Variants in FAM83B observed in about 807,000 individuals in gnomAD.
FAM83B encodes scaffolding CK1 anchoring protein B.
A neutral mutation model predicts 38.8 loss-of-function variants in FAM83B; 26 were observed. That is an observed-to-expected ratio of 0.67 (90% CI 0.49 to 0.93). The LOEUF (loss-of-function observed/expected upper bound fraction) is 0.93, where lower values mean the gene tolerates loss of function less well. FAM83B is among the 40% of genes least tolerant of loss of function. The probability of loss-of-function intolerance (pLI) is 0.00; values close to 1 mark genes in which losing one functional copy is unlikely to be tolerated. For missense variants in FAM83B, 1,237 were observed against 1,197.3 expected (o/e 1.03, Z -0.49); for synonymous variants, 419 against 423.1 (o/e 0.99, Z 0.12).
At chr6:54,860,140 G>T (rs999459576) in intron 1 of FAM83B, among the ~76,000 whole-genome samples, 2 of 152,006 alleles carry the variant, frequency 1.3e-5, no homozygotes, top group Non-Finnish European at 2.9e-5. Context: ...TAGCCTGCTT[G>T]TTAGCTACAT....
Position 54,927,659 on chromosome 6 carries a change from G to A in FAM83B, c.734+27G>A, listed in dbSNP as rs749130174. 5 of 1,287,944 alleles carry A rather than the reference G, an allele frequency of 3.9e-6. No individual in the cohort carries two copies. The Middle Eastern group carries it at 1.1e-3, about 286-fold the overall frequency. 79.8% of individuals were successfully genotyped at this position (1,287,944 alleles called of 1,614,324 possible). A position where few individuals can be genotyped will look rare whatever the true frequency, so the allele number is the denominator to read the frequency against. ...TAAGATCATTGTGTTTAACTTCAGT[G>A]TTATCAATCGTTTTGATGATTTATT... On this transcript the variant is annotated intron_variant, in intron 4 of 4. Transcript: ENST00000306858.
Position 54,875,315 on chromosome 6 carries a change from T to G in FAM83B, c.444+4625T>G, listed in dbSNP as rs1771964564. 2.6e-5 allele frequency among the ~76,000 whole-genome samples: 4 copies of G among 152,320 alleles called. No individual in the cohort carries two copies. In the South Asian group the frequency reaches 8.3e-4, roughly 32 times the overall value. ...TCCGCATCCCTTTGCAACCATGTCC[T>G]GCCCAGCTAAGTGTTATTTATATGT... On this transcript the variant is annotated intron_variant, in intron 2 of 4. Transcript: ENST00000306858.
chr6:54,916,786 CTT>C (rs887399756), intron 2 of FAM83B, among the ~76,000 whole-genome samples: 3 of 152,160 alleles, frequency 2.0e-5, no homozygotes, highest in African/African-American at 7.2e-5. Context: ...GTATTTGTCT[CTT>C]TGACTCTATT....
At chr6:54,873,112 C>T (rs1771899893) in intron 2 of FAM83B, among the ~76,000 whole-genome samples, 1 of 151,882 alleles carries the variant, frequency 6.6e-6, no homozygotes, top group East Asian at 1.9e-4. Context: ...ATCCTCCTGC[C>T]TCAGGCTCCC....
At chr6:54,902,830 G>A (rs915134888) in intron 2 of FAM83B, among the ~76,000 whole-genome samples, 3 of 152,124 alleles carry the variant, frequency 2.0e-5, no homozygotes, top group Non-Finnish European at 4.4e-5. Context: ...CTCTCTCTCT[G>A]TGTACAAGAA....
chr6:54,927,479 G>A, intron 3 of FAM83B, 29 bp from the exon 4 acceptor site: 1 of 1,510,982 alleles, frequency 6.6e-7, no homozygotes, highest in Non-Finnish European at 8.9e-7. Flanking sequence ...TAGCCATAAT[G>A]TCTGCTTTTT....
At chr6:54,938,555 C>G (rs973478256) in intron 4 of FAM83B, among the ~76,000 whole-genome samples, 1 of 152,080 alleles carries the variant, frequency 6.6e-6, no homozygotes, top group African/African-American at 2.4e-5. Flanking sequence ...TTAATTATGG[C>G]CATACTTGCT....
chr6:54,867,911 G>A (rs1257348878), intron 1 of FAM83B, among the ~76,000 whole-genome samples: 4 of 152,038 alleles, frequency 2.6e-5, no homozygotes, highest in Non-Finnish European at 4.4e-5. Context: ...TGAACAACTA[G>A]TAGTTACCTA....
At chr6:54,915,068 T>G (rs1057206386) in intron 2 of FAM83B, among the ~76,000 whole-genome samples, 2 of 152,128 alleles carry the variant, frequency 1.3e-5, no homozygotes, top group Non-Finnish European at 2.9e-5. Context: ...TTTATTCTTT[T>G]GATGTTCACC....
At position 54,941,850 on chromosome 6, in the gene FAM83B, GC is replaced by G; in HGVS notation, c.2882del (p.Pro961GlnfsTer3). The G allele has an allele frequency of 6.2e-7, 1 of 1,613,962 alleles. No individual in the cohort carries two copies. Among genetic ancestry groups the G allele is most frequent in the Non-Finnish European group, 8.5e-7 (1 of 1,179,984 alleles). On this transcript the variant is annotated frameshift_variant, in exon 5 of 5. Coordinates refer to ENST00000306858, the MANE Select transcript of FAM83B (RefSeq NM_001010872.3). LOFTEE classifies it high-confidence loss of function. ...AACATGCCAAATACCAGTATAAATCGCCCAGAAATAAAATCTGCGACTATGG... is the reference window on the plus strand; with the variant it reads ...AACATGCCAAATACCAGTATAAATCGCCAGAAATAAAATCTGCGACTATGG... ...TSNMPNTSINRPEIKSATMGN... is the reference protein window; with the variant it reads ...TSNMPNTSINXPEIKSATMGN...
At position 54,870,415 on chromosome 6, in the gene FAM83B, G is replaced by T. The variant is rs1454559392; in HGVS notation, c.169G>T (p.Ala57Ser). 1 of 1,614,032 alleles carries T rather than the reference G, an allele frequency of 6.2e-7. No homozygotes were observed. Among genetic ancestry groups the T allele is most frequent in the Admixed American group, 1.7e-5 (1 of 59,990 alleles). ...CCAGGAACGAGTTTCAGACTTTCTT[G>T]CTGAGGAAGAAATTAATTATATTTT... Reference protein sequence around the residue: ...LVQERVSDFLAEEEINYILKN... With the variant: ...LVQERVSDFLSEEEINYILKN... The change falls in exon 2 of 5, where the codon GCT (alanine) becomes TCT (serine). Residue 57 changes from alanine (A) to serine (S), a missense_variant. By Grantham distance (99) the Ala-to-Ser change is moderately conservative (BLOSUM62 1). Coordinates refer to ENST00000306858, the MANE Select transcript of FAM83B (RefSeq NM_001010872.3).
At chr6:54,857,906 T>A (rs1350698433) in intron 1 of FAM83B, among the ~76,000 whole-genome samples, 10 of 152,044 alleles carry the variant, frequency 6.6e-5, no homozygotes, top group Admixed American at 6.6e-5. Context: ...AAAAGGAGCA[T>A]TCCAGGTGGA....
At chr6:54,858,131 G>A (rs1426446466) in intron 1 of FAM83B, among the ~76,000 whole-genome samples, 5 of 152,152 alleles carry the variant, frequency 3.3e-5, no homozygotes, top group South Asian at 2.1e-4. Flanking sequence ...AGAGAAGAGC[G>A]AAGAGAGATG....
chr6:54,933,567 T>A (rs1773468498), intron 4 of FAM83B, among the ~76,000 whole-genome samples: 1 of 152,094 alleles, frequency 6.6e-6, no homozygotes, highest in Admixed American at 6.6e-5. Flanking sequence ...GCCTTGTAAT[T>A]TTTTGCTAGT....
chr6:54,911,052 TTTTTC>T (rs1772897273), intron 2 of FAM83B, among the ~76,000 whole-genome samples: 1 of 152,112 alleles, frequency 6.6e-6, no homozygotes, highest in Non-Finnish European at 1.5e-5. Flanking sequence ...ATTATAGCTA[TTTTTC>T]TTTTCTTAGT....
At chr6:54,931,566 G>A (rs538588871) in intron 4 of FAM83B, among the ~76,000 whole-genome samples, 1 of 151,902 alleles carries the variant, frequency 6.6e-6, no homozygotes, top group African/African-American at 2.4e-5. Context: ...TCTCTTATAA[G>A]TTTTTTATTT....
At chr6:54,864,356 T>A (rs979302713) in intron 1 of FAM83B, among the ~76,000 whole-genome samples, 10 of 152,132 alleles carry the variant, frequency 6.6e-5, no homozygotes, top group African/African-American at 2.4e-4. Context: ...AGAAAATGAA[T>A]TGGAAGTATG....
intron 2 of FAM83B, among the ~76,000 whole-genome samples, chr6:54,902,127 T>G (rs239838): frequency 0.24 from 35,777 of 152,142 alleles, 5,360 homozygotes; most frequent in African/African-American, 0.43. Flanking sequence ...CAAGCTGTAT[T>G]TTTAAAGATA....
intron 2 of FAM83B, among the ~76,000 whole-genome samples, chr6:54,872,675 T>C (rs1771886959): frequency 2.6e-5 from 4 of 152,194 alleles, no homozygotes; most frequent in Admixed American, 2.6e-4. Context: ...TGATGTATTT[T>C]TCTTTCTAAT....
Sources: gnomAD v4.1 joint callset for allele counts (sites outside exome capture counted in the v4.1 genomes callset) on GRCh38, gnomAD v4.1.1 for gene constraint, MANE v1.5 for transcripts, NCBI Gene and HGNC (gene_info 2026-07-23, HGNC 2026-07-21) for gene names.